Variants in FHIT observed in about 807,000 individuals in gnomAD.
The protein encoded by FHIT is bis(5'-adenosyl)-triphosphatase.
Under a neutral mutation model 17.9 loss-of-function variants are expected in FHIT, and 19 were observed. The observed-to-expected ratio is 1.06, with a 90% CI of 0.74 to 1.56. The LOEUF is 1.56. Ranked by LOEUF, FHIT falls within the 40% of genes most tolerant of loss-of-function variation. The probability of loss-of-function intolerance (pLI) is 0.00; values close to 1 mark genes in which losing one functional copy is unlikely to be tolerated. For missense variants in FHIT, 248 were observed against 189.2 expected, an observed-to-expected ratio of 1.31 and a Z score of -1.82; for synonymous variants, 81 against 69.7, an observed-to-expected ratio of 1.16 and a Z score of -0.81.
chr3:60,996,087 T>C (rs933310933), intron 3 of FHIT, among the ~76,000 whole-genome samples: 9 of 152,232 alleles, frequency 5.9e-5, no homozygotes, highest in African/African-American at 2.2e-4. Context: ...AATTGTGGGC[T>C]TAGGAATGTA....
At chr3:60,316,654 G>C (rs1011438616) in intron 5 of FHIT, among the ~76,000 whole-genome samples, 1 of 152,148 alleles carries the variant, frequency 6.6e-6, no homozygotes, top group Non-Finnish European at 1.5e-5. Context: ...ATGAAATCCA[G>C]AATGTTACAA....
chr3:60,301,949 T>G (rs1708473561), intron 5 of FHIT, among the ~76,000 whole-genome samples: 1 of 152,120 alleles, frequency 6.6e-6, no homozygotes, highest in South Asian at 2.1e-4. Context: ...AAGAGTAACC[T>G]TATAAAAGGA....
chr3:60,095,704 A>T (rs1413709236), intron 5 of FHIT, among the ~76,000 whole-genome samples: 2 of 152,230 alleles, frequency 1.3e-5, no homozygotes, highest in African/African-American at 4.8e-5. Flanking sequence ...TAAGTTAAAG[A>T]ATCAAACATA....
At chr3:61,051,675 A>G (rs1361024041) in intron 2 of FHIT, among the ~76,000 whole-genome samples, 1 of 151,916 alleles carries the variant, frequency 6.6e-6, no homozygotes, top group African/African-American at 2.4e-5. Flanking sequence ...TGTTTGTTGC[A>G]TGAATAATAA....
chr3:61,040,652 C>T (rs2033463058), intron 3 of FHIT, among the ~76,000 whole-genome samples: 1 of 152,306 alleles, frequency 6.6e-6, no homozygotes, highest in Non-Finnish European at 1.5e-5. Flanking sequence ...GCAGACTACA[C>T]ACGGCCCAAG....
At chr3:60,156,343 C>G (rs1700690906) in intron 5 of FHIT, among the ~76,000 whole-genome samples, 1 of 146,068 alleles carries the variant, frequency 6.8e-6, no homozygotes, top group Admixed American at 6.8e-5. Context: ...GAGTGAGACT[C>G]TGTCTCAAAA....
At chr3:60,379,864 A>C (rs1700726919) in intron 5 of FHIT, among the ~76,000 whole-genome samples, 1 of 152,208 alleles carries the variant, frequency 6.6e-6, no homozygotes, top group Non-Finnish European at 1.5e-5. Flanking sequence ...AAGAAAAAAC[A>C]AAACACCTAC....
At chr3:60,947,271 C>G (rs1240969471) in intron 3 of FHIT, among the ~76,000 whole-genome samples, 2 of 151,828 alleles carry the variant, frequency 1.3e-5, no homozygotes, top group African/African-American at 4.8e-5. Flanking sequence ...TGTGGAAGAC[C>G]CTTAAAAAAA....
intron 4 of FHIT, among the ~76,000 whole-genome samples, chr3:60,711,013 G>T (rs1553704948): frequency 6.6e-6 from 1 of 152,160 alleles, no homozygotes; most frequent in African/African-American, 2.4e-5. Context: ...AGCCTAACAG[G>T]GAGGCACCCC....
intron 4 of FHIT, among the ~76,000 whole-genome samples, chr3:60,611,058 G>A (rs1553673361): frequency 6.6e-6 from 1 of 152,174 alleles, no homozygotes; most frequent in African/African-American, 2.4e-5. Flanking sequence ...TCTAGCCAAG[G>A]GGTCCAGCTG....
chr3:60,256,846 T>C (rs72890154), intron 5 of FHIT, among the ~76,000 whole-genome samples: 2,999 of 152,302 alleles, frequency 0.02, 92 homozygotes, highest in African/African-American at 0.068. Flanking sequence ...TCTATGATCT[T>C]ACTAATATTC....
chr3:61,209,259 T>TCC (rs1178657984), intron 1 of FHIT, among the ~76,000 whole-genome samples: 5 of 152,350 alleles, frequency 3.3e-5, no homozygotes, highest in African/African-American at 9.6e-5. Context: ...ATTTTTTACT[T>TCC]CATTTCAACT....
At chr3:60,637,810 T>C (rs1419730461) in intron 4 of FHIT, among the ~76,000 whole-genome samples, 3 of 152,294 alleles carry the variant, frequency 2.0e-5, no homozygotes, top group Admixed American at 2.0e-4. Flanking sequence ...TTGTACTTAG[T>C]GCCTCTATTT....
chr3:60,895,875 T>C (rs888560232), intron 3 of FHIT, among the ~76,000 whole-genome samples: 4 of 151,880 alleles, frequency 2.6e-5, no homozygotes, highest in African/African-American at 4.8e-5. Context: ...CAGGCTTTTC[T>C]TGTCCTTTCC....
intron 5 of FHIT, among the ~76,000 whole-genome samples, chr3:60,206,923 G>T (rs213316): frequency 1.3e-5 from 2 of 151,972 alleles, no homozygotes; most frequent in East Asian, 3.9e-4. Flanking sequence ...ATTGTTTCAT[G>T]GAAACCCTTA....
chr3:60,109,113 G>A (rs372974403), intron 5 of FHIT, among the ~76,000 whole-genome samples: 1 of 151,418 alleles, frequency 6.6e-6, no homozygotes, highest in African/African-American at 2.4e-5. Flanking sequence ...TCTAGATGCT[G>A]TAAAAGAGGG....
chr3:59,779,389 T>C (rs1430537583), intron 8 of FHIT, among the ~76,000 whole-genome samples: 2 of 152,160 alleles, frequency 1.3e-5, no homozygotes, highest in Non-Finnish European at 2.9e-5. Flanking sequence ...CTGGGCTTTG[T>C]CCATGGGTTG....
chr3:60,205,439 T>C (rs1286783209), intron 5 of FHIT, among the ~76,000 whole-genome samples: 1 of 152,192 alleles, frequency 6.6e-6, no homozygotes, highest in Non-Finnish European at 1.5e-5. Context: ...AAGTATAAGA[T>C]AATAACTTTT....
intron 1 of FHIT, among the ~76,000 whole-genome samples, chr3:61,201,408 C>T (rs991442937): frequency 2.0e-5 from 3 of 152,224 alleles, no homozygotes; most frequent in African/African-American, 7.2e-5. Context: ...CAATCTTACT[C>T]ATAAGGTGCC....
Sources: allele counts gnomAD v4.1 joint callset (sites outside exome capture counted in the v4.1 genomes callset), GRCh38; gene constraint gnomAD v4.1.1; transcripts MANE v1.5; gene names NCBI Gene and HGNC (gene_info 2026-07-23, HGNC 2026-07-21).